The following GPR158 variants were observed in gnomAD, a reference collection of about 807,000 sequenced individuals.
The protein encoded by GPR158 is G protein-coupled receptor 158, also known as metabotropic glycine receptor.
In GPR158, 30 loss-of-function variants were observed where a neutral mutation model predicts 78.2. That is an observed-to-expected ratio of 0.38 (90% CI 0.29 to 0.52). The LOEUF is 0.52. Among genes scored for constraint, GPR158 ranks in the 20% least tolerant of loss-of-function variants. The pLI, the probability that GPR158 is intolerant of heterozygous loss-of-function variation, is 0.83. For missense variants in GPR158, 1,463 were observed against 1,523.5 expected, an observed-to-expected ratio of 0.96 and a Z score of 0.66; for synonymous variants, 581 against 591.1, an observed-to-expected ratio of 0.98 and a Z score of 0.25.
chr10:25,517,835 T>A (rs1221490560), intron 5 of GPR158, among the ~76,000 whole-genome samples: 2 of 149,326 alleles, frequency 1.3e-5, no homozygotes, highest in Non-Finnish European at 3.0e-5. Context: ...AAAATTCTCT[T>A]TTTTGGTTGT....
intron 6 of GPR158, among the ~76,000 whole-genome samples, chr10:25,562,916 C>T (rs1836877237): frequency 6.6e-6 from 1 of 152,180 alleles, no homozygotes. Context: ...CTTTTTCTCT[C>T]ATCAGTTCTG....
At chr10:25,595,453 T>A (rs1443998174) in intron 9 of GPR158, among the ~76,000 whole-genome samples, 1 of 152,198 alleles carries the variant, frequency 6.6e-6, no homozygotes, top group Non-Finnish European at 1.5e-5. Context: ...TGTAGAAGGA[T>A]GTTCATAGCA....
At chr10:25,367,781 T>A (rs999431342) in intron 2 of GPR158, among the ~76,000 whole-genome samples, 7 of 151,832 alleles carry the variant, frequency 4.6e-5, no homozygotes, top group Non-Finnish European at 8.8e-5. Context: ...CAGATGTCCC[T>A]TTTAAACTCT....
At chr10:25,574,759 C>T (rs1459508248) in intron 7 of GPR158, among the ~76,000 whole-genome samples, 1 of 152,124 alleles carries the variant, frequency 6.6e-6, no homozygotes, top group African/African-American at 2.4e-5. Flanking sequence ...GTGGTACACT[C>T]CTATAATCCC....
intron 2 of GPR158, among the ~76,000 whole-genome samples, chr10:25,340,027 G>A (rs1264886847): frequency 1.3e-5 from 2 of 151,952 alleles, no homozygotes; most frequent in East Asian, 3.9e-4. Flanking sequence ...GCCTGCCTTA[G>A]TGTCACCAAA....
chr10:25,386,562 A>G (rs903070243), intron 2 of GPR158, among the ~76,000 whole-genome samples: 4 of 150,562 alleles, frequency 2.7e-5, no homozygotes, highest in South Asian at 2.1e-4. Context: ...AAGTCTTTCA[A>G]TTCAGTGTTG....
chr10:25,256,197 A>T (rs1853886539), intron 2 of GPR158, among the ~76,000 whole-genome samples: 1 of 152,128 alleles, frequency 6.6e-6, no homozygotes, highest in African/African-American at 2.4e-5. Flanking sequence ...CTTTATGCTT[A>T]GCAGAAGAGT....
intron 2 of GPR158, among the ~76,000 whole-genome samples, chr10:25,255,693 G>A (rs910075057): frequency 6.6e-6 from 1 of 152,198 alleles, no homozygotes; most frequent in African/African-American, 2.4e-5. Context: ...CTGGATGGCT[G>A]TCTTCTTCAG....
intron 1 of GPR158, among the ~76,000 whole-genome samples, chr10:25,182,362 C>T (rs570394854): frequency 5.3e-5 from 8 of 152,156 alleles, no homozygotes; most frequent in African/African-American, 9.7e-5. Flanking sequence ...ATACATGTTT[C>T]GACATTTGGA....
chr10:25,304,274 T>G (rs1453079361), intron 2 of GPR158, among the ~76,000 whole-genome samples: 1 of 152,178 alleles, frequency 6.6e-6, no homozygotes, highest in African/African-American at 2.4e-5. Flanking sequence ...TAGTATTATT[T>G]GCATGGATAT....
At chr10:25,588,875 G>C in intron 7 of GPR158, 132 bp from the exon 8 acceptor site, 1 of 476,560 alleles carries the variant, frequency 2.1e-6, no homozygotes, top group Non-Finnish European at 3.7e-6. Flanking sequence ...ATTTGTATTT[G>C]TATGTGAATA....
rs545634268 is a variant in GPR158 at position 25,559,446 on chromosome 10, G to C, written c.1514+8361G>C. ...AATGTGTATCAAGAGCTTTTTAAAA[G>C]CTGGGTTATTTTACTTTTTGAAATC... On this transcript the variant is annotated intron_variant, in intron 6 of 10. Coordinates refer to ENST00000376351, the MANE Select transcript of GPR158 (RefSeq NM_020752.3). Among the ~76,000 whole-genome samples the C allele has an allele frequency of 3.3e-5, 5 of 152,234 alleles. No individual in the cohort carries two copies. In the East Asian group the frequency reaches 9.6e-4, roughly 29 times the overall value.
chr10:25,384,002 T>C (rs1387671384), intron 2 of GPR158, among the ~76,000 whole-genome samples: 2 of 152,234 alleles, frequency 1.3e-5, no homozygotes, highest in African/African-American at 4.8e-5. Flanking sequence ...AGAGTTGCTA[T>C]AGAATTGAGT....
intron 2 of GPR158, among the ~76,000 whole-genome samples, chr10:25,377,192 T>C (rs974049717): frequency 2.6e-5 from 4 of 151,894 alleles, no homozygotes; most frequent in African/African-American, 7.2e-5. Flanking sequence ...CTATGTTTTC[T>C]ATTGTTCCCA....
intron 2 of GPR158, among the ~76,000 whole-genome samples, chr10:25,346,385 C>A (rs1281621663): frequency 6.6e-6 from 1 of 151,866 alleles, no homozygotes; most frequent in African/African-American, 2.4e-5. Context: ...AGGAATTATT[C>A]CTAGTGCCTC....
chr10:25,186,494 A>G (rs1852687777), intron 1 of GPR158, among the ~76,000 whole-genome samples: 1 of 152,176 alleles, frequency 6.6e-6, no homozygotes, highest in Non-Finnish European at 1.5e-5. Context: ...ATAAAGAAGA[A>G]AAGAGAGAAG....
chr10:25,506,350 A>C (rs1276978522), intron 5 of GPR158, among the ~76,000 whole-genome samples: 1 of 152,258 alleles, frequency 6.6e-6, no homozygotes, highest in South Asian at 2.1e-4. Flanking sequence ...ACTATCCTCC[A>C]GAAAGTGGAC....
intron 2 of GPR158, among the ~76,000 whole-genome samples, chr10:25,266,660 G>A (rs7095394): frequency 1.2e-4 from 19 of 152,176 alleles, no homozygotes; most frequent in African/African-American, 4.6e-4. Context: ...AGAAGTAAAA[G>A]ACAAGGTTAG....
chr10:25,446,189 G>C (rs1273019010), intron 4 of GPR158, among the ~76,000 whole-genome samples: 2 of 152,184 alleles, frequency 1.3e-5, no homozygotes, highest in Non-Finnish European at 2.9e-5. Flanking sequence ...GAAAGAGAAA[G>C]TAATGGAATT....
Sources: allele counts gnomAD v4.1 joint callset (sites outside exome capture counted in the v4.1 genomes callset), GRCh38; gene constraint gnomAD v4.1.1; transcripts MANE v1.5; gene names NCBI Gene and HGNC (gene_info 2026-07-23, HGNC 2026-07-21).